Variants in RAP1GAP observed in about 807,000 individuals in gnomAD.
RAP1GAP encodes the protein RAP1 GTPase activating protein, also known as rap1 GTPase-activating protein 1.
RAP1GAP carries 35 observed loss-of-function variants against 87.2 expected under a neutral mutation model. The observed-to-expected ratio is 0.40, with a 90% CI of 0.31 to 0.53. The LOEUF (loss-of-function observed/expected upper bound fraction) is 0.53, where lower values mean the gene tolerates loss of function less well. Ranked by LOEUF, RAP1GAP falls within the 20% of genes least tolerant of loss-of-function variation. RAP1GAP has a pLI of 0.48. For missense variants in RAP1GAP, 734 were observed against 898.9 expected (o/e 0.82, Z 2.35); for synonymous variants, 375 against 363.9 (o/e 1.03, Z -0.35).
At position 21,626,360 on chromosome 1, in the gene RAP1GAP, G is replaced by A; in HGVS notation, c.-75C>T. On this transcript the variant is annotated 5_prime_UTR_variant, in exon 3 of 25. Transcript: ENST00000374765. ...ACTAAGTTCACTCGTGACAGGTCTA[G>A]TGCCTGAGGGAAGTGCTGGTTCTGC... The A allele has an allele frequency of 2.5e-6, 4 of 1,613,380 alleles. No homozygotes were observed. The South Asian group carries it at 4.4e-5, about 18-fold the overall frequency.
intron 10 of RAP1GAP, 67 bp from the exon 11 acceptor site, chr1:21,612,176 G>A (rs1036452117): frequency 1.1e-5 from 15 of 1,307,658 alleles, no homozygotes; most frequent in South Asian, 3.8e-5. Flanking sequence ...CTCTTCCCCC[G>A]TGCCAAGCAC....
At chr1:21,599,804 T>C (rs1162152257) in intron 20 of RAP1GAP, among the ~76,000 whole-genome samples, 187 bp from the exon 21 acceptor site, 1 of 152,082 alleles carries the variant, frequency 6.6e-6, no homozygotes, top group Admixed American at 6.5e-5. Flanking sequence ...CCTACCCGCA[T>C]TGTCCTTCCT....
At position 21,603,476 on chromosome 1, in the gene RAP1GAP, GGGA is replaced by G. The variant is rs2070966183; in HGVS notation, c.1429-566_1429-564del. On this transcript the variant is annotated intron_variant, in intron 18 of 24. Transcript: ENST00000374765. This position sits in a 1 kb window ranked among gnomAD's most constrained non-coding sequence, Gnocchi z 6.0. ...TAGGACCCCAGGTCACTTCGTGGCG[GGGA>G]GGAGGAGTCAGGGCAGAGGAGAGGG... 1.7e-6 allele frequency: 1 copy of G among 589,048 alleles called. No individual in the cohort carries two copies. Among genetic ancestry groups the G allele is most frequent in the Non-Finnish European group, 3.0e-6 (1 of 329,070 alleles). 36.5% of individuals were successfully genotyped at this position (589,048 alleles called of 1,614,324 possible). A position where few individuals can be genotyped will look rare whatever the true frequency, so the allele number is the denominator to read the frequency against.
In RAP1GAP at chr1:21,615,666, A is replaced by G. The variant is rs2081544867; in HGVS notation, c.292-1577T>C. Among the ~76,000 whole-genome samples, 1 of 152,122 alleles carries G rather than the reference A, an allele frequency of 6.6e-6. No individual in the cohort carries two copies. The highest frequency in any genetic ancestry group is 1.5e-5 in the Non-Finnish European group (1 of 68,022). ...CTCGGCCTCCCAAAGTGCTGGGATT[A>G]CAGGTATAAGCCAGGGCGCCCAGCT... On this transcript the variant is annotated intron_variant, in intron 7 of 24. Coordinates refer to ENST00000374765, the MANE Select transcript of RAP1GAP (RefSeq NM_002885.4). The surrounding 1 kb of genome is among the most constrained non-coding windows in gnomAD (Gnocchi z 4.5).
At chr1:21,661,099 A>G (rs922790768) in intron 1 of RAP1GAP, among the ~76,000 whole-genome samples, 1 of 152,136 alleles carries the variant, frequency 6.6e-6, no homozygotes, top group African/African-American at 2.4e-5. Flanking sequence ...TAAAAATACA[A>G]AAATTAGCTG....
intron 20 of RAP1GAP, among the ~76,000 whole-genome samples, chr1:21,600,648 A>G (rs1479000668): frequency 6.6e-6 from 1 of 152,166 alleles, no homozygotes; most frequent in African/African-American, 2.4e-5. Flanking sequence ...GCACTTTGGG[A>G]GGCTGAGGCG....
chr1:21,606,223 G>A (rs1389201597), intron 17 of RAP1GAP, 26 bp from the exon 18 acceptor site: 6 of 1,565,270 alleles, frequency 3.8e-6, no homozygotes, highest in South Asian at 1.2e-5. Flanking sequence ...CAGTGGAGGA[G>A]GCACAGGATT....
At chr1:21,651,881 G>A (rs2096602135) in intron 1 of RAP1GAP, 1 of 1,028,462 alleles carries the variant, frequency 9.7e-7, no homozygotes, top group Non-Finnish European at 1.2e-6. Flanking sequence ...TCCCGCGCCC[G>A]GGTCACCTTG....
intron 10 of RAP1GAP, among the ~76,000 whole-genome samples, chr1:21,612,506 A>G (rs566280923): frequency 6.6e-6 from 1 of 152,110 alleles, no homozygotes; most frequent in Non-Finnish European, 1.5e-5. Context: ...GACACGTCCC[A>G]CCAATTTGCT....
In RAP1GAP at chr1:21,603,064, C is replaced by T. The variant is rs2070371900; in HGVS notation, c.1429-151G>A. On this transcript the variant is annotated intron_variant, in intron 18 of 24. Transcript: ENST00000374765. The surrounding 1 kb of genome is among the most constrained non-coding windows in gnomAD (Gnocchi z 6.0). ...GAAGATATCCATTCCCAGAGACAGC[C>T]TCCCAGTTTACGAAAGGGAAACAGT... 1.6e-6 allele frequency: 1 copy of T among 613,714 alleles called. No homozygotes were observed. Among genetic ancestry groups the T allele is most frequent in the African/African-American group, 1.9e-5 (1 of 54,022 alleles). 38.0% of individuals were successfully genotyped at this position (613,714 alleles called of 1,614,324 possible). A position where few individuals can be genotyped will look rare whatever the true frequency, so the allele number is the denominator to read the frequency against.
At chr1:21,641,074 A>ATTTTTT (rs546229041) in intron 2 of RAP1GAP, among the ~76,000 whole-genome samples, 6 of 132,106 alleles carry the variant, frequency 4.5e-5, no homozygotes, top group African/African-American at 5.8e-5. Flanking sequence ...CGCCCAGCTA[A>ATTTTTT]TTTTTTTTTT....
chr1:21,611,297 C>G (rs933132645), intron 13 of RAP1GAP, among the ~76,000 whole-genome samples, 155 bp downstream of exon 13: 1 of 152,228 alleles, frequency 6.6e-6, no homozygotes, highest in Non-Finnish European at 1.5e-5. Flanking sequence ...CTTTCTGTCT[C>G]CCCTGACCCA....
rs112617610 is a variant in RAP1GAP, at chr1:21,609,879, A to C, written c.1000-233T>G. Among the ~76,000 whole-genome samples, 357 of 152,212 alleles carry C rather than the reference A, an allele frequency of 2.3e-3. 3 individuals are homozygous for C. The highest frequency in any genetic ancestry group is 8.0e-3 in the African/African-American group (334 of 41,534). ...ATCATCGGGATGGTGAAGGCAGAGG[A>C]GGCTACGGGAGGTGGAGGACAGTGA... On this transcript the variant is annotated intron_variant, in intron 14 of 24. Transcript: ENST00000374765. This position sits in a 1 kb window ranked among gnomAD's most constrained non-coding sequence, Gnocchi z 4.4.
Position 21,626,291 on chromosome 1 carries a change from G to A in RAP1GAP, c.-19+13C>T, listed in dbSNP as rs1463832191. The stretch of plus-strand genomic sequence containing the variant: ...GCAGACCAGGGGCCGTAGGTATGGA[G>A]GGGGACACTTACCTTAGGGTAGAGT... On this transcript the variant is annotated intron_variant, in intron 3 of 24. Transcript: ENST00000374765. 1.3e-6 allele frequency: 2 copies of A among 1,583,052 alleles called. No individual in the cohort carries two copies. Among genetic ancestry groups the A allele is most frequent in the Non-Finnish European group, 1.7e-6 (2 of 1,151,872 alleles).
intron 1 of RAP1GAP, among the ~76,000 whole-genome samples, chr1:21,650,493 G>C (rs1454305904): frequency 6.6e-6 from 1 of 152,228 alleles, no homozygotes; most frequent in African/African-American, 2.4e-5. Context: ...GGTGCCGCTG[G>C]GGGCAGGGGC....
rs187099862 is a variant in RAP1GAP at position 21,621,883 on chromosome 1, G to C, written c.-18-1833C>G. Among the ~76,000 whole-genome samples, 5 of 152,346 alleles carry C rather than the reference G, an allele frequency of 3.3e-5. No individual in the cohort carries two copies. In the East Asian group the frequency reaches 9.6e-4, roughly 29 times the overall value. On this transcript the variant is annotated intron_variant, in intron 3 of 24. Coordinates refer to ENST00000374765, the MANE Select transcript of RAP1GAP (RefSeq NM_002885.4). ...CACTGACACATGGTCCTGTCACCCAGAGTGTACACACAGCAACAAGCAACA... is the reference window on the plus strand; with the variant it reads ...CACTGACACATGGTCCTGTCACCCACAGTGTACACACAGCAACAAGCAACA...
rs751262064 is a variant in RAP1GAP, at chr1:21,610,180, G to A, written c.939C>T (p.Phe313=). ...PFVPDMIASN[F]LHAYVVVQAE... is the part of the protein sequence containing the mutation. ...CCTGCACCACGACGTAGGCATGCAGGAAGTTGGACGCGATCATGTCGGGCA... is the reference window on the plus strand; with the variant it reads ...CCTGCACCACGACGTAGGCATGCAGAAAGTTGGACGCGATCATGTCGGGCA... The change falls in exon 14 of 25, where the codon TTC becomes TTT. Residue 313 remains phenylalanine (F), a synonymous_variant. Transcript: ENST00000374765. 2 of 1,614,062 alleles carry A rather than the reference G, an allele frequency of 1.2e-6. No individual in the cohort carries two copies. Among genetic ancestry groups the A allele is most frequent in the Admixed American group, 1.7e-5 (1 of 60,004 alleles).
intron 1 of RAP1GAP, among the ~76,000 whole-genome samples, chr1:21,653,580 C>T (rs78682437): frequency 0.11 from 13,715 of 122,014 alleles, 793 homozygotes; most frequent in East Asian, 0.2. Flanking sequence ...TCCTTCCTTC[C>T]TTCCTTCCTT....
intron 2 of RAP1GAP, among the ~76,000 whole-genome samples, chr1:21,643,608 C>T (rs1286089674): frequency 6.6e-6 from 1 of 151,732 alleles, no homozygotes; most frequent in East Asian, 1.9e-4. Context: ...CCCTCCTTAG[C>T]CATCTACTCA....
Sources: allele counts gnomAD v4.1 joint callset (sites outside exome capture counted in the v4.1 genomes callset), GRCh38; gene constraint gnomAD v4.1.1; non-coding constraint Gnocchi (gnomAD v3.1); transcripts MANE v1.5; gene names NCBI Gene and HGNC (gene_info 2026-07-23, HGNC 2026-07-21).